Variants in BLTP2 observed in about 807,000 individuals in gnomAD.
The protein encoded by BLTP2 is U937-associated antigen.
At chr17:28,637,057 G>C in the BLTP2 span, 1 of 1,614,158 alleles carries the variant, frequency 6.2e-7, no homozygotes, top group Non-Finnish European at 8.5e-7. Context: ...CAACAGGGTT[G>C]CATCTTCTCC....
the BLTP2 span, chr17:28,633,386 T>C: frequency 6.2e-7 from 1 of 1,613,386 alleles, no homozygotes; most frequent in Non-Finnish European, 8.5e-7. Context: ...ATATTTTCAG[T>C]TGTGTTGTAT....
the BLTP2 span, among the ~76,000 whole-genome samples, chr17:28,641,200 T>C: frequency 6.6e-6 from 1 of 152,234 alleles, no homozygotes; most frequent in African/African-American, 2.4e-5. Flanking sequence ...TTTCATATCC[T>C]GCAAATATTG....
At chr17:28,645,097 A>C in the BLTP2 span, 1 of 1,554,692 alleles carries the variant, frequency 6.4e-7, no homozygotes. Flanking sequence ...GGCCCCCGCC[A>C]TGCCGGGCCC....
At chr17:28,643,760 C>A in the BLTP2 span, 2 of 1,197,156 alleles carry the variant, frequency 1.7e-6, no homozygotes, top group Non-Finnish European at 2.5e-6. Context: ...ATTTCTCTTT[C>A]ATAGCCATGT....
the BLTP2 span, chr17:28,618,661 TTAA>T: frequency 2.9e-6 from 2 of 689,064 alleles, no homozygotes; most frequent in Non-Finnish European, 4.8e-6. Context: ...CTCGTTAATA[TTAA>T]TGATACTATC....
At chr17:28,631,501 T>C in the BLTP2 span, 1 of 1,614,076 alleles carries the variant, frequency 6.2e-7, no homozygotes, top group South Asian at 1.1e-5. Flanking sequence ...GCGATTGCTA[T>C]GCCGTTGGTA....
the BLTP2 span, chr17:28,642,141 T>C: frequency 6.3e-7 from 1 of 1,588,974 alleles, no homozygotes; most frequent in Non-Finnish European, 8.6e-7. Flanking sequence ...GGTCAAAATG[T>C]GGTGATCTGG....
the BLTP2 span, chr17:28,632,237 T>C: frequency 8.3e-5 from 132 of 1,594,022 alleles, 2 homozygotes; most frequent in East Asian, 6.5e-4. Flanking sequence ...GGCTGGGATA[T>C]TGCTGCAAAG....
At chr17:28,616,340 ACT>A in the BLTP2 span, 3 of 1,612,574 alleles carry the variant, frequency 1.9e-6, no homozygotes, top group African/African-American at 4.0e-5. The surrounding 1 kb of genome is among the most constrained non-coding windows in gnomAD (Gnocchi z 4.8). Context: ...GGACCTCAAG[ACT>A]CTCCCATTTT....
At chr17:28,621,335 T>C in the BLTP2 span, 1 of 1,467,586 alleles carries the variant, frequency 6.8e-7, no homozygotes, top group Non-Finnish European at 9.6e-7. Context: ...GGTAGGGAAA[T>C]GAGGTCCCTT....
chr17:28,632,426 T>C, the BLTP2 span, among the ~76,000 whole-genome samples: 235 of 152,324 alleles, frequency 1.5e-3, 1 homozygote, highest in Non-Finnish European at 1.9e-3. Flanking sequence ...CCTACTGCTA[T>C]GGTCTAAATG....
chr17:28,622,050 A>G, the BLTP2 span, among the ~76,000 whole-genome samples: 404 of 152,278 alleles, frequency 2.7e-3, 1 homozygote, highest in Non-Finnish European at 4.3e-3. Flanking sequence ...CCTTGTACCT[A>G]AGCCCAAGAT....
chr17:28,638,083 G>A, the BLTP2 span: 3 of 1,613,888 alleles, frequency 1.9e-6, no homozygotes, highest in South Asian at 3.3e-5. Flanking sequence ...CCAGAGGCTG[G>A]TTATAGCTAC....
chr17:28,634,485 C>T, the BLTP2 span: 34 of 1,585,618 alleles, frequency 2.1e-5, no homozygotes, highest in South Asian at 7.0e-5. Context: ...CGGGCAAACA[C>T]GGGGTCTGCA....
the BLTP2 span, among the ~76,000 whole-genome samples, chr17:28,622,972 G>A: frequency 0.072 from 10,894 of 152,208 alleles, 1,130 homozygotes; most frequent in African/African-American, 0.23. Context: ...CTACTCAGGA[G>A]GCTGAGGCAG....
the BLTP2 span, chr17:28,640,266 G>A: frequency 4.0e-6 from 2 of 505,602 alleles, no homozygotes. Flanking sequence ...GGTGGCACGT[G>A]CCTATAATCC....
the BLTP2 span, chr17:28,620,451 CA>C: frequency 1.0e-5 from 16 of 1,590,858 alleles, no homozygotes; most frequent in African/African-American, 9.4e-5. Context: ...CCAAATAAAG[CA>C]CAAAGTCTGG....
the BLTP2 span, chr17:28,633,746 T>C: frequency 6.2e-7 from 1 of 1,613,304 alleles, no homozygotes; most frequent in Non-Finnish European, 8.5e-7. Flanking sequence ...TACTGGAATA[T>C]TTCCGCTGGG....
chr17:28,631,001 A>G, the BLTP2 span, among the ~76,000 whole-genome samples: 1 of 152,242 alleles, frequency 6.6e-6, no homozygotes, highest in Non-Finnish European at 1.5e-5. Flanking sequence ...AAGTAATGAC[A>G]TACATGCTTG....
Sources: gnomAD v4.1 joint callset for allele counts (sites outside exome capture counted in the v4.1 genomes callset) on GRCh38, gnomAD v4.1.1 for gene constraint, Gnocchi (gnomAD v3.1) non-coding constraint, MANE v1.5 for transcripts, NCBI Gene and HGNC (gene_info 2026-07-23, HGNC 2026-07-21) for gene names.